Variants in MCTP1 observed in about 807,000 individuals in gnomAD.
MCTP1 encodes the protein multiple C2 and transmembrane domain-containing protein 1.
Under a neutral mutation model 120.6 loss-of-function variants are expected in MCTP1, and 69 were observed. The observed-to-expected ratio is 0.57, with a 90% CI of 0.47 to 0.70. The LOEUF (loss-of-function observed/expected upper bound fraction) is 0.70. MCTP1 is among the 30% of genes least tolerant of loss of function. The pLI is 0.00. For synonymous variants in MCTP1, 529 were observed against 493.1 expected (o/e 1.07, Z -0.96); for missense variants, 1,203 against 1,248.8 (o/e 0.96, Z 0.55).
At chr5:94,986,779 G>C (rs1247423566) in intron 2 of MCTP1, among the ~76,000 whole-genome samples, 2 of 152,076 alleles carry the variant, frequency 1.3e-5, no homozygotes, top group Admixed American at 1.3e-4. Flanking sequence ...CCAAAGTGCT[G>C]GGATTACAGG....
intron 1 of MCTP1, among the ~76,000 whole-genome samples, chr5:95,260,968 G>A (rs1758419539): frequency 6.6e-6 from 1 of 152,020 alleles, no homozygotes; most frequent in Admixed American, 6.6e-5. Context: ...TAGATTGCTG[G>A]AAGTTCATTC....
chr5:94,725,499 A>C (rs1001213769), intron 19 of MCTP1, among the ~76,000 whole-genome samples: 1 of 152,182 alleles, frequency 6.6e-6, no homozygotes, highest in African/African-American at 2.4e-5. Context: ...ACTTCTAATG[A>C]AAAAGTTGTA....
At chr5:94,867,407 T>C in intron 17 of MCTP1, 1 of 1,302,582 alleles carries the variant, frequency 7.7e-7, no homozygotes, top group Non-Finnish European at 1.1e-6. Context: ...GAGCTCAAAG[T>C]ACTAAACAGA....
intron 19 of MCTP1, among the ~76,000 whole-genome samples, chr5:94,719,359 T>C (rs1377497110): frequency 1.3e-5 from 2 of 152,168 alleles, no homozygotes; most frequent in African/African-American, 4.8e-5. Context: ...TACATGCACA[T>C]GTATGTTAAT....
At chr5:94,801,405 A>G (rs1388260223) in intron 17 of MCTP1, among the ~76,000 whole-genome samples, 1 of 152,254 alleles carries the variant, frequency 6.6e-6, no homozygotes, top group Non-Finnish European at 1.5e-5. Context: ...CAGAGTTACA[A>G]TCTGGGATAC....
At chr5:95,003,579 G>A (rs954370843) in intron 2 of MCTP1, among the ~76,000 whole-genome samples, 6 of 152,206 alleles carry the variant, frequency 3.9e-5, no homozygotes, top group African/African-American at 1.4e-4. Flanking sequence ...GGGTGTCAAT[G>A]AGTGATATTG....
chr5:95,039,000 GT>G (rs1841849904), intron 1 of MCTP1, among the ~76,000 whole-genome samples: 1 of 149,142 alleles, frequency 6.7e-6, no homozygotes, highest in Non-Finnish European at 1.5e-5. Flanking sequence ...GCAGGTTCTG[GT>G]AGTTTTTTTT....
intron 19 of MCTP1, among the ~76,000 whole-genome samples, chr5:94,767,374 T>TCA (rs1773017930): frequency 2.0e-5 from 3 of 152,160 alleles, no homozygotes; most frequent in African/African-American, 7.2e-5. Flanking sequence ...ATGCCCCTGT[T>TCA]CACCACTCTT....
At chr5:94,993,821 G>A (rs951995481) in intron 2 of MCTP1, among the ~76,000 whole-genome samples, 4 of 152,128 alleles carry the variant, frequency 2.6e-5, no homozygotes, top group African/African-American at 9.7e-5. Flanking sequence ...TCAATAAAAT[G>A]TTCTTGGGAG....
Position 94,708,520 on chromosome 5 carries a change from C to A in MCTP1, c.2920G>T (p.Val974Leu), listed in dbSNP as rs765812489. The change falls in exon 22 of 23, where the codon GTA (valine) becomes TTA (leucine). Residue 974 changes from valine (V) to leucine (L), a missense_variant. By Grantham distance (32) the Val-to-Leu change is conservative (BLOSUM62 1). Coordinates refer to ENST00000515393, the MANE Select transcript of MCTP1 (RefSeq NM_024717.7). Reference sequence around the variant, plus strand: ...TAACGAAACCTACATACCACTTGTACATCTGAAGGGACTCTGGAAAGGAAG... The same window carrying A: ...TAACGAAACCTACATACCACTTGTAAATCTGAAGGGACTCTGGAAAGGAAG... ...LDFLSRVPSDVQVVQYQELKP... is the reference protein window; with the variant it reads ...LDFLSRVPSDLQVVQYQELKP... 1 of 1,591,944 alleles carries A rather than the reference C, an allele frequency of 6.3e-7. No homozygotes were observed. Among genetic ancestry groups the A allele is most frequent in the East Asian group, 2.2e-5 (1 of 44,676 alleles).
chr5:94,914,615 CT>C (rs35356247), intron 8 of MCTP1, among the ~76,000 whole-genome samples: 2,855 of 152,310 alleles, frequency 0.019, 91 homozygotes, highest in African/African-American at 0.063. Context: ...TCAACGCAGG[CT>C]TTTGTCTACA....
intron 18 of MCTP1, among the ~76,000 whole-genome samples, chr5:94,791,125 A>AG (rs1305540652): frequency 1.3e-5 from 2 of 150,052 alleles, no homozygotes; most frequent in East Asian, 1.9e-4. Flanking sequence ...AAAAAAAAAA[A>AG]AAAAAAAAGA....
At chr5:94,724,174 C>CA (rs1761596114) in intron 19 of MCTP1, among the ~76,000 whole-genome samples, 1 of 152,188 alleles carries the variant, frequency 6.6e-6, no homozygotes, top group African/African-American at 2.4e-5. Flanking sequence ...ATAAACCTTA[C>CA]AGCAAGCATC....
chr5:95,261,259 AC>A (rs1188059700), intron 1 of MCTP1, among the ~76,000 whole-genome samples: 3 of 152,196 alleles, frequency 2.0e-5, no homozygotes, highest in Non-Finnish European at 2.9e-5. Context: ...AATGGTCTTC[AC>A]AGCTGAAGAC....
chr5:94,947,750 G>A (rs1486236488), intron 3 of MCTP1, among the ~76,000 whole-genome samples: 2 of 149,866 alleles, frequency 1.3e-5, no homozygotes, highest in Non-Finnish European at 3.0e-5. Flanking sequence ...CCTAGAGCTG[G>A]GACCACAGGT....
chr5:94,952,834 A>G (rs1401726666), intron 3 of MCTP1, among the ~76,000 whole-genome samples: 1 of 151,812 alleles, frequency 6.6e-6, no homozygotes, highest in Non-Finnish European at 1.5e-5. Context: ...TTTTGCTTGC[A>G]GCCAGAAATG....
chr5:94,974,755 C>A (rs72777350), intron 2 of MCTP1, among the ~76,000 whole-genome samples: 7,880 of 151,008 alleles, frequency 0.052, 276 homozygotes, highest in Middle Eastern at 0.099. Flanking sequence ...CTAAAAAAAA[C>A]CAAAAAAATC....
rs115274223 is a variant in MCTP1, at chr5:95,219,583, C to T, written c.720+64273G>A. 5.4e-3 allele frequency among the ~76,000 whole-genome samples: 816 copies of T among 152,138 alleles called. 11 individuals are homozygous for T. The highest frequency in any genetic ancestry group is 0.018 in the African/African-American group (755 of 41,484). On this transcript the variant is annotated intron_variant, in intron 1 of 22. Coordinates refer to ENST00000515393, the MANE Select transcript of MCTP1 (RefSeq NM_024717.7). ...TACGGTCTTTAGGTCTCCACTGCTA[C>T]GACAACAATAAAGATCTAAAGCAGC...
intron 12 of MCTP1, among the ~76,000 whole-genome samples, chr5:94,874,371 T>C (rs538589763): frequency 9.9e-5 from 15 of 152,140 alleles, no homozygotes; most frequent in Non-Finnish European, 1.8e-4. Context: ...TGTATTCCCA[T>C]ACAGCAGTGT....
Sources: allele counts gnomAD v4.1 joint callset (sites outside exome capture counted in the v4.1 genomes callset), GRCh38; gene constraint gnomAD v4.1.1; transcripts MANE v1.5; gene names NCBI Gene and HGNC (gene_info 2026-07-23, HGNC 2026-07-21).